The following KCNH8 variants were observed in gnomAD, a reference collection of about 807,000 sequenced individuals.
KCNH8 encodes the protein potassium voltage-gated channel subfamily H member 8.
A neutral mutation model predicts 103.6 loss-of-function variants in KCNH8; 70 were observed. The ratio of observed to expected loss-of-function variants is 0.68; its 90% CI spans 0.56 to 0.82. The LOEUF (loss-of-function observed/expected upper bound fraction) is 0.82, where lower values mean the gene tolerates loss of function less well. KCNH8 is among the 40% of genes least tolerant of loss of function. KCNH8 has a pLI of 0.00. For synonymous variants in KCNH8, 498 were observed against 489.4 expected (o/e 1.02, Z -0.23); for missense variants, 1,217 against 1,329.9 (o/e 0.92, Z 1.32).
chr3:19,533,159 G>A (rs1232707032), intron 15 of KCNH8, among the ~76,000 whole-genome samples: 9 of 148,676 alleles, frequency 6.1e-5, no homozygotes, highest in East Asian at 2.0e-4. Flanking sequence ...AGCTGAGATC[G>A]TGCCACTGCA....
chr3:19,219,931 A>C (rs942908667), intron 1 of KCNH8, among the ~76,000 whole-genome samples: 2 of 152,164 alleles, frequency 1.3e-5, no homozygotes, highest in African/African-American at 4.8e-5. Flanking sequence ...AGTAACCACA[A>C]AGTACTCTGA....
At chr3:19,351,454 T>C (rs879070129) in intron 5 of KCNH8, among the ~76,000 whole-genome samples, 1 of 90,184 alleles carries the variant, frequency 1.1e-5, no homozygotes, top group Non-Finnish European at 2.4e-5. Flanking sequence ...AAAGTTGAAA[T>C]GAAGGAAAAA....
chr3:19,473,593 C>T (rs2067908151), intron 11 of KCNH8, among the ~76,000 whole-genome samples: 2 of 152,186 alleles, frequency 1.3e-5, no homozygotes, highest in South Asian at 4.1e-4. Context: ...ATCACCACTC[C>T]ACTATCATTT....
intron 1 of KCNH8, among the ~76,000 whole-genome samples, chr3:19,233,409 C>T (rs1336502289): frequency 2.0e-5 from 3 of 152,050 alleles, no homozygotes; most frequent in Non-Finnish European, 2.9e-5. Flanking sequence ...ACTTATGCTT[C>T]TGTGCTTTGC....
At chr3:19,277,372 G>A (rs1343087604) in intron 2 of KCNH8, among the ~76,000 whole-genome samples, 1 of 152,066 alleles carries the variant, frequency 6.6e-6, no homozygotes, top group Non-Finnish European at 1.5e-5. Context: ...AGACCAGCGT[G>A]GGAAACATAG....
intron 15 of KCNH8, among the ~76,000 whole-genome samples, chr3:19,529,967 T>C (rs1419946509): frequency 6.6e-6 from 1 of 152,144 alleles, no homozygotes; most frequent in Non-Finnish European, 1.5e-5. Flanking sequence ...TGTCAGTGCT[T>C]GTTTATGTTC....
intron 2 of KCNH8, among the ~76,000 whole-genome samples, chr3:19,254,964 A>G (rs1443744836): frequency 6.6e-6 from 1 of 152,120 alleles, no homozygotes; most frequent in Non-Finnish European, 1.5e-5. Context: ...ACTGTGCCCT[A>G]GAAAGTAGGT....
chr3:19,290,574 G>A (rs571874216), intron 3 of KCNH8, among the ~76,000 whole-genome samples: 4 of 152,198 alleles, frequency 2.6e-5, no homozygotes, highest in Non-Finnish European at 5.9e-5. Context: ...TGTTGAACCA[G>A]CCTTGCATCC....
intron 8 of KCNH8, among the ~76,000 whole-genome samples, chr3:19,449,638 T>G (rs1175209687): frequency 6.6e-6 from 1 of 152,088 alleles, no homozygotes; most frequent in Non-Finnish European, 1.5e-5. Flanking sequence ...TAAAATAGAC[T>G]TATTTCAAAA....
chr3:19,524,588 A>C (rs1177110972), intron 15 of KCNH8, among the ~76,000 whole-genome samples: 1 of 150,200 alleles, frequency 6.7e-6, no homozygotes, highest in Non-Finnish European at 1.5e-5. Flanking sequence ...TGGATCTCTC[A>C]AAAGAAAAAA....
At chr3:19,508,414 C>G (rs1221807842) in intron 11 of KCNH8, among the ~76,000 whole-genome samples, 1 of 152,160 alleles carries the variant, frequency 6.6e-6, no homozygotes, top group Non-Finnish European at 1.5e-5. Flanking sequence ...GTTCATTTCT[C>G]TGCTTAGTCA....
chr3:19,488,386 A>G (rs1302039138), intron 11 of KCNH8, among the ~76,000 whole-genome samples: 1 of 152,198 alleles, frequency 6.6e-6, no homozygotes. Context: ...GTTCACAAAC[A>G]AACACTTGAT....
chr3:19,518,442 A>C (rs1187867095), intron 15 of KCNH8, among the ~76,000 whole-genome samples: 1 of 152,038 alleles, frequency 6.6e-6, no homozygotes, highest in Non-Finnish European at 1.5e-5. Context: ...AGCTAAAGCA[A>C]GGTCGTAAGT....
chr3:19,303,586 G>T (rs1349285597), intron 3 of KCNH8, among the ~76,000 whole-genome samples: 1 of 152,050 alleles, frequency 6.6e-6, no homozygotes, highest in South Asian at 2.1e-4. Context: ...TTACCCCCCT[G>T]ATATGTGCAT....
At chr3:19,406,381 C>A (rs775426536) in intron 7 of KCNH8, among the ~76,000 whole-genome samples, 2 of 152,068 alleles carry the variant, frequency 1.3e-5, no homozygotes, top group Non-Finnish European at 2.9e-5. Flanking sequence ...ACTTTACATG[C>A]AACTTTTCAG....
chr3:19,272,425 C>G (rs1033833225), intron 2 of KCNH8, among the ~76,000 whole-genome samples: 1 of 152,116 alleles, frequency 6.6e-6, no homozygotes, highest in Non-Finnish European at 1.5e-5. Context: ...CTGCGGTGCT[C>G]TGAAACGCAT....
intron 5 of KCNH8, among the ~76,000 whole-genome samples, chr3:19,358,724 C>G (rs1167677029): frequency 6.6e-6 from 1 of 151,554 alleles, no homozygotes; most frequent in Non-Finnish European, 1.5e-5. Context: ...CAGTGATGAC[C>G]ATATGGAGGT....
rs778202266 is a variant in KCNH8, at chr3:19,533,683, C to A, written c.2908C>A (p.Pro970Thr). 12 of 1,613,888 alleles carry A rather than the reference C, an allele frequency of 7.4e-6. No homozygotes were observed. The South Asian group carries it at 8.8e-5, about 12-fold the overall frequency. The change falls in exon 16 of 16, where the codon CCC becomes ACC. Residue 970 changes from proline (P) to threonine (T), a missense_variant. Physicochemically the swap from Pro to Thr is conservative, Grantham distance 38. Coordinates refer to ENST00000328405, the MANE Select transcript of KCNH8 (RefSeq NM_144633.3). Reference protein sequence around the residue: ...SVDPSSVGSSPQRTGAHEQNP... With the variant: ...SVDPSSVGSSTQRTGAHEQNP... ...GGATCCCTCCTCTGTGGGGAGCAGC[C>A]CCCAACGAACTGGAGCTCATGAGCA...
intron 7 of KCNH8, among the ~76,000 whole-genome samples, chr3:19,396,039 C>T (rs1298351333): frequency 6.6e-6 from 1 of 151,966 alleles, no homozygotes; most frequent in African/African-American, 2.4e-5. Context: ...AACTCTCTAT[C>T]CCAAAAATCT....
Sources: gnomAD v4.1 joint callset for allele counts (sites outside exome capture counted in the v4.1 genomes callset) on GRCh38, gnomAD v4.1.1 for gene constraint, MANE v1.5 for transcripts, NCBI Gene and HGNC (gene_info 2026-07-23, HGNC 2026-07-21) for gene names.